The following CTNNA2 variants were observed in gnomAD, a reference collection of about 807,000 sequenced individuals.
CTNNA2 encodes the protein catenin alpha 2.
In CTNNA2, 42 loss-of-function variants were observed where a neutral mutation model predicts 101.0. The ratio of observed to expected loss-of-function variants is 0.42; its 90% CI spans 0.32 to 0.54. The LOEUF is 0.54. Ranked by LOEUF, CTNNA2 falls within the 20% of genes least tolerant of loss-of-function variation. CTNNA2 has a pLI of 0.14. For synonymous variants in CTNNA2, 450 were observed against 456.4 expected, an observed-to-expected ratio of 0.99 and a Z score of 0.18; for missense variants, 871 against 1,223.1, an observed-to-expected ratio of 0.71 and a Z score of 4.29.
At position 79,377,145 on chromosome 2, in the gene CTNNA2, CTGT is replaced by C. The variant is rs777917678; in HGVS notation, c.-135+3137_-135+3139del. Among the ~76,000 whole-genome samples, 4 of 152,110 alleles carry C rather than the reference CTGT, an allele frequency of 2.6e-5. No homozygotes were observed. In the South Asian group the frequency reaches 6.2e-4, roughly 24 times the overall value. On this transcript the variant is annotated intron_variant, in intron 4 of 21. Coordinates refer to the CTNNA2 transcript ENST00000466387. ...TATTTCTCCACATCCTCTCCAGCAC[CTGT>C]TGTTTCCTCACTTTTTAATGATTGC... is the stretch of plus-strand genomic sequence containing the variant.
At chr2:80,044,081 AAAGT>A (rs1696357557) in intron 7 of CTNNA2, among the ~76,000 whole-genome samples, 2 of 152,216 alleles carry the variant, frequency 1.3e-5, no homozygotes, top group African/African-American at 4.8e-5. Flanking sequence ...GCCTTTTCAC[AAAGT>A]AACAGGATTT....
At chr2:79,264,416 A>ATT (rs5832375) in intron 2 of CTNNA2, among the ~76,000 whole-genome samples, 1 of 151,864 alleles carries the variant, frequency 6.6e-6, no homozygotes, top group Non-Finnish European at 1.5e-5. Flanking sequence ...GACATGGCTA[A>ATT]TTTTTTTATA....
intron 9 of CTNNA2, among the ~76,000 whole-genome samples, chr2:80,456,817 T>A (rs529037690): frequency 6.6e-6 from 1 of 152,206 alleles, no homozygotes; most frequent in East Asian, 1.9e-4. Flanking sequence ...TAGAAGGTGG[T>A]TATCAGAGGC....
At chr2:79,381,954 G>T (rs1280912489) in intron 4 of CTNNA2, among the ~76,000 whole-genome samples, 1 of 152,192 alleles carries the variant, frequency 6.6e-6, no homozygotes, top group African/African-American at 2.4e-5. Context: ...ACTTGGCTGG[G>T]CTAAGGGATA....
Position 79,834,539 on chromosome 2 carries a change from G to A in CTNNA2, c.299-23474G>A, listed in dbSNP as rs555841915. Among the ~76,000 whole-genome samples, 3 of 151,980 alleles carry A rather than the reference G, an allele frequency of 2.0e-5. No individual in the cohort carries two copies. In the East Asian group the frequency reaches 5.8e-4, roughly 29 times the overall value. On this transcript the variant is annotated intron_variant, in intron 3 of 18. Coordinates refer to ENST00000402739, the MANE Select transcript of CTNNA2 (RefSeq NM_001282597.3). ...CTTTTCATATCTTTATTAGTCATTT[G>A]GGTTTGCTATTTTCTTTGTCTCCTT...
At chr2:79,627,702 A>G (rs76236354) in intron 1 of CTNNA2, among the ~76,000 whole-genome samples, 1,784 of 152,306 alleles carry the variant, frequency 0.012, 23 homozygotes, top group African/African-American at 0.037. Flanking sequence ...TTGTGCTTCA[A>G]ATGATTTAGA....
intron 2 of CTNNA2, among the ~76,000 whole-genome samples, chr2:79,309,992 CTTTTAGGTACA>C (rs1298798367): frequency 1.3e-5 from 2 of 151,986 alleles, no homozygotes; most frequent in East Asian, 3.9e-4. Context: ...ATGCTATCTT[CTTTTAGGTACA>C]TTTTCTAATC....
intron 12 of CTNNA2, among the ~76,000 whole-genome samples, chr2:80,570,692 T>G (rs1236755339): frequency 1.3e-5 from 2 of 152,150 alleles, no homozygotes; most frequent in African/African-American, 2.4e-5. Context: ...ATAAAGAACT[T>G]GTACCCTCTC....
At chr2:79,410,698 T>C (rs2104490936) in intron 4 of CTNNA2, among the ~76,000 whole-genome samples, 1 of 149,598 alleles carries the variant, frequency 6.7e-6, no homozygotes, top group Non-Finnish European at 1.5e-5. Flanking sequence ...TGGATTCGGT[T>C]TGCCAGTATT....
chr2:80,075,553 A>G (rs903356177), intron 7 of CTNNA2, among the ~76,000 whole-genome samples: 2 of 145,716 alleles, frequency 1.4e-5, no homozygotes, highest in Non-Finnish European at 3.0e-5. Flanking sequence ...TAATATTTAT[A>G]CATGTATAAA....
At chr2:79,508,896 T>C (rs1306087636), upstream of CTNNA2, among the ~76,000 whole-genome samples, 2 of 146,556 alleles carry the variant, frequency 1.4e-5, no homozygotes, top group Non-Finnish European at 3.0e-5. Context: ...ATTACACACA[T>C]GGATCCCAAA....
At chr2:80,512,032 C>T (rs1164529204) in intron 9 of CTNNA2, among the ~76,000 whole-genome samples, 3 of 151,550 alleles carry the variant, frequency 2.0e-5, no homozygotes, top group East Asian at 1.9e-4. Flanking sequence ...CACCTGTAAT[C>T]CCAGCTACTT....
intron 9 of CTNNA2, among the ~76,000 whole-genome samples, chr2:80,454,261 A>G (rs1002710704): frequency 6.6e-6 from 1 of 152,198 alleles, no homozygotes; most frequent in African/African-American, 2.4e-5. Context: ...GGAACACTAT[A>G]GAAAGATAGA....
At chr2:79,536,418 G>T (rs1453293606) in intron 1 of CTNNA2, among the ~76,000 whole-genome samples, 2 of 152,148 alleles carry the variant, frequency 1.3e-5, no homozygotes, top group East Asian at 3.9e-4. Flanking sequence ...TAATGAAATG[G>T]CAAGTAAGAT....
chr2:80,270,102 A>G (rs1035145387), intron 7 of CTNNA2, among the ~76,000 whole-genome samples: 7 of 152,196 alleles, frequency 4.6e-5, no homozygotes, highest in African/African-American at 1.7e-4. Flanking sequence ...TTACATATGA[A>G]GGTGAATTCG....
chr2:79,437,268 T>C (rs1445767564), intron 4 of CTNNA2, among the ~76,000 whole-genome samples: 7 of 151,654 alleles, frequency 4.6e-5, no homozygotes, highest in Non-Finnish European at 7.4e-5. Flanking sequence ...TATATGTAGA[T>C]AGATAGATTT....
intron 2 of CTNNA2, among the ~76,000 whole-genome samples, chr2:79,230,542 T>G (rs921652009): frequency 6.6e-6 from 1 of 152,194 alleles, no homozygotes; most frequent in Non-Finnish European, 1.5e-5. Flanking sequence ...AGAGCCCTCA[T>G]GGAGAACTTC....
rs1008448249 is a variant in CTNNA2 at position 80,315,809 on chromosome 2, A to G, written c.1057-77402A>G. On this transcript the variant is annotated intron_variant, in intron 7 of 18. Transcript: ENST00000402739. ...GGTGGCTTAATATTATTACAACTCT[A>G]AGTATGAAATGCTTTAAAGTGATTT... Among the ~76,000 whole-genome samples the G allele has an allele frequency of 2.0e-5, 3 of 152,158 alleles. No homozygotes were observed. In the East Asian group the frequency reaches 5.8e-4, roughly 29 times the overall value.
rs369631386 is a variant in CTNNA2 at position 79,409,219 on chromosome 2, A to G, written c.-135+35206A>G. On this transcript the variant is annotated intron_variant, in intron 4 of 21. Transcript: ENST00000466387. ...TATTAGCCCTTTGTCAGATGAGTAG[A>G]TTGCGAAAATTTTCTCCCATTTTGT... Among the ~76,000 whole-genome samples, 9 of 152,000 alleles carry G rather than the reference A, an allele frequency of 5.9e-5. No homozygotes were observed. In the South Asian group the frequency reaches 1.2e-3, roughly 21 times the overall value.
Sources: allele counts gnomAD v4.1 joint callset (sites outside exome capture counted in the v4.1 genomes callset), GRCh38; gene constraint gnomAD v4.1.1; transcripts MANE v1.5; gene names NCBI Gene and HGNC (gene_info 2026-07-23, HGNC 2026-07-21).